Variants in PAFAH1B2 observed in about 807,000 individuals in gnomAD.
The protein encoded by PAFAH1B2 is platelet-activating factor acetylhydrolase IB subunit alpha2.
PAFAH1B2 carries 8 observed loss-of-function variants against 28.0 expected under a neutral mutation model. The ratio of observed to expected loss-of-function variants is 0.29; its 90% CI spans 0.17 to 0.52. The LOEUF is 0.52. Ranked by LOEUF, PAFAH1B2 falls within the 20% of genes least tolerant of loss-of-function variation. The pLI is 0.97. For synonymous variants in PAFAH1B2, 104 were observed against 103.2 expected, an observed-to-expected ratio of 1.01 and a Z score of -0.05; for missense variants, 190 against 282.6, an observed-to-expected ratio of 0.67 and a Z score of 2.35.
Position 117,168,672 on chromosome 11 carries a change from G to GT in PAFAH1B2, c.*981dup, listed in dbSNP as rs1164804778. The GT allele has an allele frequency of 2.5e-5, 27 of 1,060,276 alleles. No individual in the cohort carries two copies. The highest frequency in any genetic ancestry group is 9.1e-5 in the South Asian group (2 of 21,874). 65.7% of individuals were successfully genotyped at this position (1,060,276 alleles called of 1,614,324 possible). ...GTTTTTCCCTTAAAACCTGTTAACA[G>GT]TTTTTTTTGGGGGTGGGGGGATTCA... On this transcript the variant is annotated 3_prime_UTR_variant, in exon 6 of 6. Coordinates refer to ENST00000527958, the MANE Select transcript of PAFAH1B2 (RefSeq NM_002572.4).
intron 1 of PAFAH1B2, among the ~76,000 whole-genome samples, chr11:117,151,174 G>A (rs887981285): frequency 4.0e-5 from 6 of 151,230 alleles, no homozygotes; most frequent in East Asian, 3.9e-4. Context: ...CTAATTTTGC[G>A]GAATTTTACT....
At chr11:117,151,526 G>A (rs1158902229) in intron 1 of PAFAH1B2, among the ~76,000 whole-genome samples, 2 of 152,026 alleles carry the variant, frequency 1.3e-5, no homozygotes, top group Admixed American at 6.6e-5. Flanking sequence ...ACCACACCCA[G>A]CCATCATTTC....
intron 2 of PAFAH1B2, among the ~76,000 whole-genome samples, chr11:117,155,805 T>G (rs559994366): frequency 2.8e-4 from 43 of 152,076 alleles, no homozygotes; most frequent in African/African-American, 9.2e-4. Flanking sequence ...GAGGATTGCT[T>G]AAGCACAGGA....
chr11:117,171,552 T>G, downstream of PAFAH1B2: 1 of 544,230 alleles, frequency 1.8e-6, no homozygotes, highest in Non-Finnish European at 3.2e-6. Context: ...AAAAAAAAAA[T>G]ACAGTGTTAC....
chr11:117,171,197 T>A, downstream of PAFAH1B2: 1 of 445,298 alleles, frequency 2.2e-6, no homozygotes, highest in Non-Finnish European at 3.1e-6. Context: ...ACTCATCACT[T>A]ACCTTCTCGG....
chr11:117,164,426 G>C (rs1314418659), intron 5 of PAFAH1B2, among the ~76,000 whole-genome samples: 1 of 151,322 alleles, frequency 6.6e-6, no homozygotes, highest in African/African-American at 2.4e-5. Context: ...AAGTATGGAA[G>C]CCGTTTGGTG....
chr11:117,163,156 A>G (rs545049899), intron 4 of PAFAH1B2, among the ~76,000 whole-genome samples: 26 of 151,996 alleles, frequency 1.7e-4, no homozygotes, highest in African/African-American at 6.3e-4. Flanking sequence ...ATATGATAGG[A>G]GGCATAAATC....
intron 5 of PAFAH1B2, among the ~76,000 whole-genome samples, chr11:117,167,158 A>T (rs1365917062): frequency 6.7e-6 from 1 of 150,366 alleles, no homozygotes; most frequent in Non-Finnish European, 1.5e-5. Flanking sequence ...CTAGGAAGAG[A>T]TCTGGCTAAA....
At chr11:117,152,370 G>A in intron 1 of PAFAH1B2, 71 bp from the exon 2 acceptor site, 1 of 847,298 alleles carries the variant, frequency 1.2e-6, no homozygotes, top group Non-Finnish European at 2.0e-6. Flanking sequence ...AAAGCCTGAT[G>A]TGTATAATAT....
intron 5 of PAFAH1B2, among the ~76,000 whole-genome samples, chr11:117,166,422 T>G (rs1255723051): frequency 1.3e-5 from 2 of 152,232 alleles, no homozygotes; most frequent in Non-Finnish European, 2.9e-5. Context: ...AATTATGGTG[T>G]TGTCCATAAT....
chr11:117,148,589 T>C (rs1234026230), intron 1 of PAFAH1B2, among the ~76,000 whole-genome samples: 1 of 152,150 alleles, frequency 6.6e-6, no homozygotes, highest in Non-Finnish European at 1.5e-5. Flanking sequence ...CAGTTGTTTG[T>C]CTGTTGGATG....
rs1428455296 is a variant in PAFAH1B2 at position 117,144,327 on chromosome 11, G to T, written c.-99G>T. ...GGTGCTGGGGCCGGAGGAGGGACGC[G>T]CCGGAGCGGGACCGACGGGACCGAG... On this transcript the variant is annotated 5_prime_UTR_variant, in exon 1 of 6. Transcript: ENST00000527958. 3 of 404,822 alleles carry T rather than the reference G, an allele frequency of 7.4e-6. No individual in the cohort carries two copies. The highest frequency in any genetic ancestry group is 5.2e-5 in the Admixed American group (2 of 38,802). The allele number at this position is 404,822 out of a possible 1,614,324, so 25.1% of individuals were successfully genotyped here. A position where few individuals can be genotyped will look rare whatever the true frequency, so the allele number is the denominator to read the frequency against.
downstream of PAFAH1B2, chr11:117,175,157 G>T: frequency 8.5e-7 from 1 of 1,174,410 alleles, no homozygotes; most frequent in Non-Finnish European, 1.1e-6. Context: ...GACCGCTTGA[G>T]GGCCACGGTT....
In PAFAH1B2 at chr11:117,161,201, T is replaced by G; in HGVS notation, c.228T>G (p.Asp76Glu). 1 of 1,597,458 alleles carries G rather than the reference T, an allele frequency of 6.3e-7. No homozygotes were observed. Among genetic ancestry groups the G allele is most frequent in the Non-Finnish European group, 8.5e-7 (1 of 1,176,378 alleles). ...CACTGAATTTTGGAATTGGGGGAGA[T>G]ACAACAAGACATGTTTTGTGGAGAC... Reference protein sequence around the residue: ...LHALNFGIGGDTTRHVLWRLK... With the variant: ...LHALNFGIGGETTRHVLWRLK... Residue 76 changes from aspartate (D) to glutamate (E), a missense_variant, in exon 4 of 6, where the codon GAT becomes GAG. Asp to Glu is a conservative substitution (Grantham distance 45). Coordinates refer to ENST00000527958, the MANE Select transcript of PAFAH1B2 (RefSeq NM_002572.4).
intron 2 of PAFAH1B2, among the ~76,000 whole-genome samples, chr11:117,156,122 A>G (rs1956249429): frequency 6.6e-6 from 1 of 152,196 alleles, no homozygotes; most frequent in Admixed American, 6.6e-5. Context: ...TGGGAGTTTG[A>G]GACTGTAGTA....
intron 5 of PAFAH1B2, among the ~76,000 whole-genome samples, chr11:117,164,582 T>G (rs1394971866): frequency 6.6e-6 from 1 of 152,222 alleles, no homozygotes; most frequent in African/African-American, 2.4e-5. Context: ...AGGTGGTATA[T>G]TAGACATTCT....
At chr11:117,174,928 T>C, downstream of PAFAH1B2, 3 of 1,526,854 alleles carry the variant, frequency 2.0e-6, no homozygotes, top group Non-Finnish European at 2.6e-6. Flanking sequence ...TTCAGGTCAT[T>C]TTAACAATAC....
chr11:117,149,033 ATTTTTTTTT>A (rs71037462), intron 1 of PAFAH1B2, among the ~76,000 whole-genome samples: 2 of 118,614 alleles, frequency 1.7e-5, no homozygotes, highest in East Asian at 2.3e-4. Flanking sequence ...ACACCTGCCA[ATTTTTTTTT>A]TTTTTTTTTT....
At chr11:117,174,381 A>T (rs1265075033), downstream of PAFAH1B2, among the ~76,000 whole-genome samples, 3 of 151,168 alleles carry the variant, frequency 2.0e-5, no homozygotes, top group African/African-American at 7.3e-5. Flanking sequence ...ACGGGGTTTC[A>T]CCATGTTGGC....
Sources: gnomAD v4.1 joint callset for allele counts (sites outside exome capture counted in the v4.1 genomes callset) on GRCh38, gnomAD v4.1.1 for gene constraint, MANE v1.5 for transcripts, NCBI Gene and HGNC (gene_info 2026-07-23, HGNC 2026-07-21) for gene names.